The following TP63 variants were observed in gnomAD, a reference collection of about 807,000 sequenced individuals.
TP63 encodes the protein tumor protein 63.
Under a neutral mutation model 82.8 loss-of-function variants are expected in TP63, and 17 were observed. That is an observed-to-expected ratio of 0.21 (90% CI 0.14 to 0.31). The LOEUF (loss-of-function observed/expected upper bound fraction) is 0.31, where lower values mean the gene tolerates loss of function less well. TP63 is among the 10% of genes least tolerant of loss of function. The probability of loss-of-function intolerance (pLI) is 1.00; values close to 1 mark genes in which losing one functional copy is unlikely to be tolerated. For missense variants in TP63, 648 were observed against 895.3 expected, an observed-to-expected ratio of 0.72 and a Z score of 3.52; for synonymous variants, 330 against 321.7, an observed-to-expected ratio of 1.03 and a Z score of -0.28.
At chr3:189,867,270 A>G (rs1717845230) in intron 6 of TP63, among the ~76,000 whole-genome samples, 1 of 152,094 alleles carries the variant, frequency 6.6e-6, no homozygotes, top group African/African-American at 2.4e-5. Context: ...AACAGGACCC[A>G]AGTTCTTTGG....
chr3:189,631,674 G>A, intron 1 of TP63, 97 bp downstream of exon 1: 3 of 1,602,440 alleles, frequency 1.9e-6, no homozygotes, highest in Non-Finnish European at 2.6e-6. Flanking sequence ...ATTCCTCCTT[G>A]TTTAGTCAGC....
chr3:189,755,648 A>G (rs1349693715), intron 3 of TP63, among the ~76,000 whole-genome samples: 2 of 152,160 alleles, frequency 1.3e-5, no homozygotes, highest in Non-Finnish European at 2.9e-5. Flanking sequence ...ATATGCTTAG[A>G]AGTGTAATTA....
At chr3:189,688,281 C>G (rs1716603518) in intron 1 of TP63, among the ~76,000 whole-genome samples, 1 of 152,184 alleles carries the variant, frequency 6.6e-6, no homozygotes, top group Non-Finnish European at 1.5e-5. Context: ...TACAATTTAA[C>G]TAAAGTCTCC....
At chr3:189,894,100 T>C (rs1004721250) in intron 13 of TP63, 106 bp from the exon 14 acceptor site, 13 of 1,377,788 alleles carry the variant, frequency 9.4e-6, no homozygotes, top group Non-Finnish European at 1.3e-5. Flanking sequence ...ATCAATAGAT[T>C]CAGATCAATT....
Position 189,645,637 on chromosome 3 carries a change from C to T in TP63, c.62+14060C>T, listed in dbSNP as rs916862821. On this transcript the variant is annotated intron_variant, in intron 1 of 13. Transcript: ENST00000264731. ...TGTCATTTAGCGTTAGGTATATCTC[C>T]TAATGCTATCCCTCCCCACTCCCCC... Among the ~76,000 whole-genome samples the T allele has an allele frequency of 5.0e-5, 6 of 120,062 alleles. 1 individual carries two copies. Among genetic ancestry groups the T allele is most frequent in the African/African-American group, 2.0e-4 (6 of 29,388 alleles). The allele number at this position is 120,062 out of a possible 152,430, so 78.8% of individuals were successfully genotyped here.
intron 3 of TP63, among the ~76,000 whole-genome samples, chr3:189,749,180 A>T (rs867227914): frequency 5.3e-5 from 8 of 152,102 alleles, no homozygotes; most frequent in African/African-American, 1.9e-4. Context: ...GGGACTATTT[A>T]AACTAAAAAT....
intron 3 of TP63, among the ~76,000 whole-genome samples, chr3:189,757,809 AAAT>A: frequency 6.6e-6 from 1 of 152,284 alleles, no homozygotes. Flanking sequence ...TATTTCACTC[AAAT>A]AATATTAATA....
At position 189,849,394 on chromosome 3, in the gene TP63, C is replaced by A. The variant is rs113145862; in HGVS notation, c.580-14838C>A. ...TTGGGAACTGAGTCTTCAACCTGTG[C>A]GATATGACAGATCTCCGGGTAGACA... On this transcript the variant is annotated intron_variant, in intron 4 of 13. Transcript: ENST00000264731. Among the ~76,000 whole-genome samples the A allele has an allele frequency of 3.4e-3, 522 of 152,132 alleles. 1 individual carries two copies. The highest frequency in any genetic ancestry group is 0.012 in the African/African-American group (508 of 41,498).
intron 1 of TP63, among the ~76,000 whole-genome samples, chr3:189,680,557 C>G (rs1715818470): frequency 6.6e-6 from 1 of 152,132 alleles, no homozygotes; most frequent in Non-Finnish European, 1.5e-5. Context: ...AAACCAAATT[C>G]AACAACACAT....
chr3:189,880,162 G>C (rs777255243), intron 10 of TP63: 3 of 1,613,324 alleles, frequency 1.9e-6, no homozygotes, highest in Admixed American at 1.7e-5. Context: ...CCCCCAAACC[G>C]ATCAGTGTAC....
chr3:189,675,920 CTTTT>C (rs11295512), intron 1 of TP63, among the ~76,000 whole-genome samples: 1 of 131,608 alleles, frequency 7.6e-6, no homozygotes, highest in Non-Finnish European at 1.6e-5. Flanking sequence ...CCCACAAGTC[CTTTT>C]TTTTCCAGTA....
At chr3:189,858,463 T>G (rs2108782027) in intron 4 of TP63, among the ~76,000 whole-genome samples, 1 of 151,660 alleles carries the variant, frequency 6.6e-6, no homozygotes, top group African/African-American at 2.4e-5. Context: ...TAGAATACTA[T>G]TCAGTCAGAA....
chr3:189,857,494 A>G (rs990155427), intron 4 of TP63, among the ~76,000 whole-genome samples: 4 of 152,192 alleles, frequency 2.6e-5, no homozygotes, highest in African/African-American at 7.2e-5. Flanking sequence ...AAGAGCTTTC[A>G]AGGGAAAATA....
At chr3:189,888,517 T>C (rs1484096326) in intron 11 of TP63, among the ~76,000 whole-genome samples, 2 of 152,226 alleles carry the variant, frequency 1.3e-5, no homozygotes, top group Admixed American at 6.5e-5. Context: ...TAGGGTATGC[T>C]CTTTAGTTAG....
intron 3 of TP63, among the ~76,000 whole-genome samples, chr3:189,745,467 G>A (rs970532958): frequency 6.6e-6 from 1 of 152,008 alleles, no homozygotes; most frequent in Non-Finnish European, 1.5e-5. Flanking sequence ...CCAGAACTTC[G>A]GGAGGCTGAG....
intron 1 of TP63, among the ~76,000 whole-genome samples, chr3:189,683,572 T>C (rs1000139167): frequency 2.6e-5 from 4 of 152,248 alleles, no homozygotes; most frequent in African/African-American, 9.6e-5. Flanking sequence ...TTCTAAAACA[T>C]GAAGAGCTAT....
At chr3:189,636,919 T>C (rs1243539175) in intron 1 of TP63, among the ~76,000 whole-genome samples, 1 of 152,208 alleles carries the variant, frequency 6.6e-6, no homozygotes, top group Non-Finnish European at 1.5e-5. Context: ...ATGTATTTTA[T>C]GATTATCATA....
intron 1 of TP63, among the ~76,000 whole-genome samples, chr3:189,696,547 G>A (rs1419200560): frequency 6.6e-6 from 1 of 152,130 alleles, no homozygotes; most frequent in African/African-American, 2.4e-5. Flanking sequence ...TTTTAAATCA[G>A]TTGGGTAAAT....
intron 3 of TP63, among the ~76,000 whole-genome samples, chr3:189,781,289 C>T (rs781003900): frequency 3.3e-5 from 5 of 152,220 alleles, no homozygotes; most frequent in East Asian, 1.9e-4. Context: ...TTAGTGAAAA[C>T]GGGGTTCTTG....
Sources: allele counts gnomAD v4.1 joint callset (sites outside exome capture counted in the v4.1 genomes callset), GRCh38; gene constraint gnomAD v4.1.1; transcripts MANE v1.5; gene names NCBI Gene and HGNC (gene_info 2026-07-23, HGNC 2026-07-21).